PRKN: variants seen among roughly 807,000 people sequenced by gnomAD.
PRKN encodes parkin RBR E3 ubiquitin protein ligase.
In PRKN, 56 loss-of-function variants were observed where a neutral mutation model predicts 59.5. The observed-to-expected ratio is 0.94, with a 90% CI of 0.76 to 1.18. The LOEUF (loss-of-function observed/expected upper bound fraction) is 1.18, where lower values mean the gene tolerates loss of function less well. Ranked by LOEUF, PRKN falls within the 50% of genes most tolerant of loss-of-function variation. PRKN has a pLI of 0.00. For synonymous variants in PRKN, 250 were observed against 222.1 expected, an observed-to-expected ratio of 1.13 and a Z score of -1.12; for missense variants, 657 against 596.4, an observed-to-expected ratio of 1.10 and a Z score of -1.06.
intron 3 of PRKN, among the ~76,000 whole-genome samples, chr6:162,255,518 T>G (rs1779605441): frequency 6.6e-6 from 1 of 152,188 alleles, no homozygotes; most frequent in Admixed American, 6.5e-5. Context: ...AGGTTACTGA[T>G]TCAGTAGGTC....
intron 1 of PRKN, among the ~76,000 whole-genome samples, chr6:162,455,493 C>T (rs1790828455): frequency 6.6e-6 from 1 of 152,134 alleles, no homozygotes; most frequent in Admixed American, 6.5e-5. Context: ...AATTATAATA[C>T]AGTAGTGTTT....
In PRKN at chr6:161,529,973, C is replaced by G. The variant is rs1779145092; in HGVS notation, c.1083+18881G>C. Reference sequence around the variant, plus strand: ...TAATCTACTTTGTAGAGTAGTGAAACTTATTGAGCATGTTATAAAAACAAC... The same window carrying G: ...TAATCTACTTTGTAGAGTAGTGAAAGTTATTGAGCATGTTATAAAAACAAC... On this transcript the variant is annotated intron_variant, in intron 9 of 11. Transcript: ENST00000366898. The surrounding 1 kb of genome is among the most constrained non-coding windows in gnomAD (Gnocchi z 4.4). Among the ~76,000 whole-genome samples, 1 of 151,830 alleles carries G rather than the reference C, an allele frequency of 6.6e-6. No homozygotes were observed. The highest frequency in any genetic ancestry group is 1.5e-5 in the Non-Finnish European group (1 of 68,016).
chr6:162,577,784 C>A (rs1267585143), intron 1 of PRKN, among the ~76,000 whole-genome samples: 4 of 151,860 alleles, frequency 2.6e-5, no homozygotes, highest in Admixed American at 2.6e-4. Flanking sequence ...AAAAATTTAG[C>A]CAGGCAAGAT....
chr6:162,621,568 G>C (rs1364567358), intron 1 of PRKN, among the ~76,000 whole-genome samples: 1 of 152,004 alleles, frequency 6.6e-6, no homozygotes, highest in Non-Finnish European at 1.5e-5. Flanking sequence ...CTAAATGAAT[G>C]GTCTTTGTTT....
chr6:162,262,328 T>C lies in PRKN; in HGVS notation c.412+197A>G, dbSNP rs545324166. On this transcript the variant is annotated intron_variant, in intron 3 of 11. Transcript: ENST00000366898. ...AATCTCAATATGAAAACCTGTTTCA[T>C]AGTACTTACAATAAATGCATTCTCA... The C allele has an allele frequency of 9.1e-5, 64 of 704,832 alleles. No individual in the cohort carries two copies. The East Asian group carries it at 1.6e-3, about 18-fold the overall frequency. The allele number at this position is 704,832 out of a possible 1,614,324, so 43.7% of individuals were successfully genotyped here.
rs141973990 is a variant in PRKN at position 162,351,350 on chromosome 6, T to A, written c.172-88585A>T. On this transcript the variant is annotated intron_variant, in intron 2 of 11. Coordinates refer to ENST00000366898, the MANE Select transcript of PRKN (RefSeq NM_004562.3). ...AGAAGATGCCCAGCATTACTTTCTA[T>A]TAGGAAAATGCAAATTAAGACCACA... Among the ~76,000 whole-genome samples, 9 of 152,292 alleles carry A rather than the reference T, an allele frequency of 5.9e-5. No individual in the cohort carries two copies. In the East Asian group the frequency reaches 1.7e-3, roughly 29 times the overall value.
chr6:162,663,300 C>A (rs1778966037), intron 1 of PRKN, among the ~76,000 whole-genome samples: 1 of 151,742 alleles, frequency 6.6e-6, no homozygotes, highest in African/African-American at 2.4e-5. Flanking sequence ...ATATCAAGGC[C>A]ACAGAGACTG....
At chr6:162,019,258 T>C (rs1027614504) in intron 5 of PRKN, among the ~76,000 whole-genome samples, 1 of 152,186 alleles carries the variant, frequency 6.6e-6, no homozygotes. Context: ...CATTCACCTT[T>C]CCATTGGGCC....
In PRKN at chr6:161,385,455, A is replaced by C. The variant is rs981675410; in HGVS notation, c.1167+1339T>G. On this transcript the variant is annotated intron_variant, in intron 10 of 11. Transcript: ENST00000366898. The surrounding 1 kb of genome is among the most constrained non-coding windows in gnomAD (Gnocchi z 4.9). ...TTTAATTTGGGCTACCTTAATCTTT[A>C]ACACCAAGGCTGGATGGTTCCTCTT... 9.2e-5 allele frequency among the ~76,000 whole-genome samples: 14 copies of C among 152,216 alleles called. No homozygotes were observed. Among genetic ancestry groups the C allele is most frequent in the Non-Finnish European group, 2.1e-4 (14 of 68,050 alleles).
intron 1 of PRKN, among the ~76,000 whole-genome samples, chr6:162,679,850 T>C (rs2128232387): frequency 6.6e-6 from 1 of 152,232 alleles, no homozygotes; most frequent in South Asian, 2.1e-4. Flanking sequence ...ACTTTAAAAA[T>C]GAAGATTATG....
intron 9 of PRKN, among the ~76,000 whole-genome samples, chr6:161,416,206 T>C (rs1179923850): frequency 9.9e-5 from 15 of 152,170 alleles, no homozygotes. Flanking sequence ...CTGTGGCCAC[T>C]TTCACAGAAT....
At chr6:162,449,381 T>C (rs941702993) in intron 1 of PRKN, among the ~76,000 whole-genome samples, 17 of 152,178 alleles carry the variant, frequency 1.1e-4, no homozygotes, top group African/African-American at 3.4e-4. Flanking sequence ...CAGCAATCTA[T>C]TTCCCTACCC....
At chr6:161,392,320 G>A (rs1030419738) in intron 9 of PRKN, among the ~76,000 whole-genome samples, 1 of 151,790 alleles carries the variant, frequency 6.6e-6, no homozygotes, top group Non-Finnish European at 1.5e-5. Flanking sequence ...GGAGGCGGAG[G>A]TTGCAGTGAG....
chr6:162,535,754 A>G (rs1162844471), intron 1 of PRKN, among the ~76,000 whole-genome samples: 3 of 152,018 alleles, frequency 2.0e-5, no homozygotes, highest in Admixed American at 2.0e-4. Flanking sequence ...CCAAAAATAG[A>G]AAAAATTAGC....
intron 2 of PRKN, among the ~76,000 whole-genome samples, chr6:162,332,154 C>T (rs543020106): frequency 7.2e-4 from 110 of 152,242 alleles, no homozygotes; most frequent in Non-Finnish European, 1.4e-3. Context: ...CATTACAAAA[C>T]GAAGTCATTT....
chr6:162,024,845 C>T (rs1179171072), intron 5 of PRKN, among the ~76,000 whole-genome samples: 1 of 152,152 alleles, frequency 6.6e-6, no homozygotes, highest in African/African-American at 2.4e-5. Flanking sequence ...ATAAATTAGA[C>T]TAAACTGTAA....
intron 7 of PRKN, among the ~76,000 whole-genome samples, chr6:161,634,007 C>CAT (rs1389861008): frequency 6.8e-6 from 1 of 146,766 alleles, no homozygotes; most frequent in African/African-American, 2.5e-5. Context: ...AACACACACA[C>CAT]ACACACACAC....
At chr6:161,984,434 T>G (rs1380327534) in intron 5 of PRKN, among the ~76,000 whole-genome samples, 1 of 152,024 alleles carries the variant, frequency 6.6e-6, no homozygotes, top group Non-Finnish European at 1.5e-5. Context: ...ATTTTTGTAT[T>G]TTTAGTAGAG....
At chr6:161,876,500 A>G (rs1346803312) in intron 6 of PRKN, among the ~76,000 whole-genome samples, 1 of 152,196 alleles carries the variant, frequency 6.6e-6, no homozygotes, top group African/African-American at 2.4e-5. Context: ...TTTTGTAGAG[A>G]CAAAGCCTCA....
Sources: gnomAD v4.1 joint callset for allele counts (sites outside exome capture counted in the v4.1 genomes callset) on GRCh38, gnomAD v4.1.1 for gene constraint, Gnocchi (gnomAD v3.1) non-coding constraint, MANE v1.5 for transcripts, NCBI Gene and HGNC (gene_info 2026-07-23, HGNC 2026-07-21) for gene names.